The following CDKN2B-AS1 variants were observed in gnomAD, a reference collection of about 807,000 sequenced individuals.
CDKN2B-AS1 encodes the protein CDKN2B antisense RNA 1 (non-protein coding).
chr9:22,113,225 C>G (rs1386766945), intron 4 of CDKN2B-AS1, among the ~76,000 whole-genome samples: 3 of 152,166 alleles, frequency 2.0e-5, no homozygotes, highest in Non-Finnish European at 2.9e-5. Flanking sequence ...GCCTGTGTCC[C>G]TTTTAAACTC....
chr9:22,036,976 T>C (rs1157507858), intron 1 of CDKN2B-AS1, among the ~76,000 whole-genome samples: 1 of 152,090 alleles, frequency 6.6e-6, no homozygotes, highest in African/African-American at 2.4e-5. Context: ...ATGTACCAGT[T>C]TGGCTCTGTG....
chr9:22,035,841 C>A (rs543129069), intron 1 of CDKN2B-AS1, among the ~76,000 whole-genome samples: 1 of 152,246 alleles, frequency 6.6e-6, no homozygotes, highest in African/African-American at 2.4e-5. Flanking sequence ...ATGATCACAT[C>A]TGAGGATCCT....
Position 22,005,882 on chromosome 9 carries a change from G to A in CDKN2B-AS1, n.29+10721G>A, listed in dbSNP as rs1587380552. 3.1e-5 allele frequency: 46 copies of A among 1,465,946 alleles called. No homozygotes were observed. Among genetic ancestry groups the A allele is most frequent in the Non-Finnish European group, 4.1e-5 (44 of 1,082,536 alleles). 90.8% of individuals were successfully genotyped at this position (1,465,946 alleles called of 1,614,324 possible). On this transcript the variant is annotated intron_variant and non_coding_transcript_variant, in intron 1 of 4. Transcript: ENST00000650946. This position sits in a 1 kb window ranked among gnomAD's most constrained non-coding sequence, Gnocchi z 4.9. The stretch of plus-strand genomic sequence containing the variant: ...TCTCAGACAGGCTTGCAGGCTTACA[G>A]GCTTTCCGCCGCTCCCCGTTGGCAG...
chr9:22,002,383 C>CT (rs1820958071), intron 1 of CDKN2B-AS1, among the ~76,000 whole-genome samples: 1 of 151,640 alleles, frequency 6.6e-6, no homozygotes, highest in Non-Finnish European at 1.5e-5. Context: ...AAATTATGCT[C>CT]TATGATTTAA....
chr9:22,009,172 GA>G (rs1821361806), intron 1 of CDKN2B-AS1: 1 of 658,542 alleles, frequency 1.5e-6, no homozygotes, highest in Non-Finnish European at 2.6e-6. Flanking sequence ...TGGCGCTCAA[GA>G]ACCAGCGGGC....
chr9:22,063,791 T>C (rs1342756289), intron 4 of CDKN2B-AS1, among the ~76,000 whole-genome samples: 1 of 152,110 alleles, frequency 6.6e-6, no homozygotes, highest in Non-Finnish European at 1.5e-5. Context: ...CTCAAAGAGT[T>C]TGGAGAGCAG....
chr9:22,026,619 C>T (rs1296986024), intron 1 of CDKN2B-AS1, among the ~76,000 whole-genome samples: 7 of 152,188 alleles, frequency 4.6e-5, no homozygotes, highest in Non-Finnish European at 1.0e-4. Context: ...GCCTGTAGAC[C>T]TTCTCTGCTG....
rs143517045 is a variant in CDKN2B-AS1 at position 22,114,890 on chromosome 9, A to G, written n.439-12213A>G. Among the ~76,000 whole-genome samples the G allele has an allele frequency of 3.7e-4, 56 of 152,342 alleles. 1 individual carries two copies. The East Asian group carries it at 0.01, about 28-fold the overall frequency. Reference sequence around the variant, plus strand: ...TAATCATTCAAATTTATGCTGCATTACTGACTAAATACTTTCATTTATCAT... The same window carrying G: ...TAATCATTCAAATTTATGCTGCATTGCTGACTAAATACTTTCATTTATCAT... On this transcript the variant is annotated intron_variant and non_coding_transcript_variant, in intron 4 of 4. Transcript: ENST00000650946.
At chr9:22,088,234 G>A (rs1044777067) in intron 4 of CDKN2B-AS1, among the ~76,000 whole-genome samples, 1 of 152,154 alleles carries the variant, frequency 6.6e-6, no homozygotes, top group African/African-American at 2.4e-5. Context: ...GCCTTCGATT[G>A]CTGGGATTAT....
At chr9:22,032,819 C>G (rs916269743) in intron 1 of CDKN2B-AS1, 2 of 151,640 alleles carry the variant, frequency 1.3e-5, no homozygotes, top group East Asian at 4.0e-4. Context: ...TTTCTCTTCA[C>G]TACACCAGGG....
chr9:22,075,989 C>CTT (rs1824476026), intron 4 of CDKN2B-AS1, among the ~76,000 whole-genome samples: 1 of 152,106 alleles, frequency 6.6e-6, no homozygotes, highest in Non-Finnish European at 1.5e-5. Flanking sequence ...TGTGTCTGTC[C>CTT]TTTTAAAGTC....
chr9:22,107,894 A>C (rs539316502), intron 4 of CDKN2B-AS1, among the ~76,000 whole-genome samples: 1 of 152,338 alleles, frequency 6.6e-6, no homozygotes, highest in East Asian at 1.9e-4. Flanking sequence ...TAGGTAAGGC[A>C]TTCTACATCT....
intron 4 of CDKN2B-AS1, among the ~76,000 whole-genome samples, chr9:22,126,705 T>C (rs377459339): frequency 2.6e-5 from 4 of 151,324 alleles, no homozygotes; most frequent in East Asian, 1.9e-4. Context: ...CCCGAGTAGC[T>C]GGGACTACAG....
intron 4 of CDKN2B-AS1, among the ~76,000 whole-genome samples, chr9:22,061,443 G>C (rs924843111): frequency 6.6e-6 from 1 of 152,090 alleles, no homozygotes; most frequent in African/African-American, 2.4e-5. Context: ...GCATCATGAA[G>C]AAAAATATAA....
chr9:22,112,668 A>G (rs750014136), intron 4 of CDKN2B-AS1, among the ~76,000 whole-genome samples: 2 of 152,202 alleles, frequency 1.3e-5, no homozygotes, highest in Non-Finnish European at 2.9e-5. Flanking sequence ...TCCCCATGAC[A>G]TTTTTAGTAT....
intron 1 of CDKN2B-AS1, among the ~76,000 whole-genome samples, chr9:22,034,680 G>C (rs570330568): frequency 7.6e-4 from 115 of 152,194 alleles, no homozygotes; most frequent in African/African-American, 2.6e-3. Flanking sequence ...GTAGAGGTTG[G>C]CAAACTTTTT....
chr9:22,012,933 A>G (rs1821575793), intron 1 of CDKN2B-AS1, among the ~76,000 whole-genome samples: 1 of 152,200 alleles, frequency 6.6e-6, no homozygotes. Context: ...TCATTTTAGT[A>G]TCCGTATTAG....
chr9:22,012,563 C>A, intron 1 of CDKN2B-AS1: 2 of 537,894 alleles, frequency 3.7e-6, no homozygotes, highest in Non-Finnish European at 7.1e-6. Context: ...CGGAGGGCAG[C>A]CTCCTGCCCA....
At chr9:22,042,851 A>G (rs889908094) in intron 1 of CDKN2B-AS1, among the ~76,000 whole-genome samples, 3 of 152,148 alleles carry the variant, frequency 2.0e-5, no homozygotes, top group Non-Finnish European at 4.4e-5. Flanking sequence ...AAGAATGGCT[A>G]TACTTAAACC....
Sources: gnomAD v4.1 joint callset for allele counts (sites outside exome capture counted in the v4.1 genomes callset) on GRCh38, gnomAD v4.1.1 for gene constraint, Gnocchi (gnomAD v3.1) non-coding constraint, MANE v1.5 for transcripts, NCBI Gene and HGNC (gene_info 2026-07-23, HGNC 2026-07-21) for gene names.